The following SYNGR1 variants were observed in gnomAD, a reference collection of about 807,000 sequenced individuals.
SYNGR1 encodes synaptogyrin-1.
Under a neutral mutation model 26.1 loss-of-function variants are expected in SYNGR1, and 14 were observed. The ratio of observed to expected loss-of-function variants is 0.54; its 90% CI spans 0.35 to 0.84. The LOEUF (loss-of-function observed/expected upper bound fraction) is 0.84, where lower values mean the gene tolerates loss of function less well. Among genes scored for constraint, SYNGR1 ranks in the 40% least tolerant of loss-of-function variants. SYNGR1 has a pLI of 0.01. For missense variants in SYNGR1, 319 were observed against 332.9 expected (o/e 0.96, Z 0.33); for synonymous variants, 141 against 150.1 (o/e 0.94, Z 0.44).
chr22:39,364,148 C>T, intron 1 of SYNGR1: 1 of 1,611,026 alleles, frequency 6.2e-7, no homozygotes, highest in Non-Finnish European at 8.5e-7. Context: ...TGCCCTTTTG[C>T]ACTGCGGGAC....
chr22:39,367,881 G>A (rs1044842158), intron 1 of SYNGR1, among the ~76,000 whole-genome samples: 3 of 148,688 alleles, frequency 2.0e-5, no homozygotes, highest in African/African-American at 7.5e-5. Context: ...GCCTTGTCCC[G>A]CTGCATGTCC....
chr22:39,372,805 T>C (rs983863348), intron 1 of SYNGR1, among the ~76,000 whole-genome samples: 6 of 152,014 alleles, frequency 3.9e-5, no homozygotes, highest in Non-Finnish European at 4.4e-5. Context: ...GACATGGTAT[T>C]GGCAGGATTC....
At chr22:39,359,699 C>T (rs1245442711) in intron 1 of SYNGR1, among the ~76,000 whole-genome samples, 4 of 151,588 alleles carry the variant, frequency 2.6e-5, no homozygotes, top group Non-Finnish European at 4.4e-5. Context: ...TCCAGCACTG[C>T]TCCTGCTCCA....
At chr22:39,358,704 CA>C (rs1297710818) in intron 1 of SYNGR1, among the ~76,000 whole-genome samples, 1 of 152,100 alleles carries the variant, frequency 6.6e-6, no homozygotes, top group Non-Finnish European at 1.5e-5. Flanking sequence ...CCAGACGCAC[CA>C]CCTTAAGAGC....
At chr22:39,372,117 T>C (rs1925048784) in intron 1 of SYNGR1, among the ~76,000 whole-genome samples, 1 of 144,868 alleles carries the variant, frequency 6.9e-6, no homozygotes, top group Admixed American at 7.3e-5. Flanking sequence ...TGAGGGTAGA[T>C]CCATTCTTTT....
chr22:39,355,460 C>T lies in SYNGR1; in HGVS notation c.99+5351C>T, dbSNP rs149793920. ...CACCTCCTGTGGCCGGCCGCTCCGC[C>T]GCTTCTTCTCTCTCAGGTCTAGGAC... On this transcript the variant is annotated intron_variant, in intron 1 of 3. Transcript: ENST00000328933. Among the ~76,000 whole-genome samples, 582 of 152,340 alleles carry T rather than the reference C, an allele frequency of 3.8e-3. 18 individuals carry two copies. The South Asian group carries it at 0.066, about 17-fold the overall frequency.
chr22:39,359,769 G>A (rs889779185), intron 1 of SYNGR1, among the ~76,000 whole-genome samples: 5 of 151,196 alleles, frequency 3.3e-5, no homozygotes, highest in African/African-American at 9.7e-5. Context: ...TCCTCTTCCC[G>A]CATGGTCTTG....
At position 39,350,114 on chromosome 22, in the gene SYNGR1, G is replaced by T; in HGVS notation, c.99+5G>T. The T allele has an allele frequency of 6.9e-7, 1 of 1,442,762 alleles. No individual in the cohort carries two copies. Among genetic ancestry groups the T allele is most frequent in the Non-Finnish European group, 9.2e-7 (1 of 1,083,086 alleles). The allele number at this position is 1,442,762 out of a possible 1,614,324, so 89.4% of individuals were successfully genotyped here. On this transcript the variant is annotated splice_donor_5th_base_variant and intron_variant, in intron 1 of 3. Coordinates refer to ENST00000328933, the MANE Select transcript of SYNGR1 (RefSeq NM_004711.5). The surrounding 1 kb of genome is among the most constrained non-coding windows in gnomAD (Gnocchi z 4.3). ...ATCCTGCGCGTCGTGTCTTGGGTAA[G>T]GACGGACTGGCCGACGGCTCTGCCA... is the stretch of plus-strand genomic sequence containing the variant.
chr22:39,375,715 T>C, intron 2 of SYNGR1: 1 of 592,938 alleles, frequency 1.7e-6, no homozygotes, highest in Non-Finnish European at 3.0e-6. Flanking sequence ...TGGCAGAGGC[T>C]GCAGAAATGC....
Position 39,384,802 on chromosome 22 carries a change from G to A in SYNGR1, c.*2888G>A, listed in dbSNP as rs76437831. On this transcript the variant is annotated 3_prime_UTR_variant, in exon 4 of 4. Coordinates refer to ENST00000328933, the MANE Select transcript of SYNGR1 (RefSeq NM_004711.5). ...GGAAAAAAGGTTTCACATAAGTGTAGAGTCGCAAGGACGCTTAGAGTCGGC... is the reference window on the plus strand; with the variant it reads ...GGAAAAAAGGTTTCACATAAGTGTAAAGTCGCAAGGACGCTTAGAGTCGGC... 0.02 allele frequency: 7,877 copies of A among 399,058 alleles called. 553 individuals are homozygous for A. Among genetic ancestry groups the A allele is most frequent in the African/African-American group, 0.15 (7,148 of 48,682 alleles). 24.7% of individuals were successfully genotyped at this position (399,058 alleles called of 1,614,324 possible). A position where few individuals can be genotyped will look rare whatever the true frequency, so the allele number is the denominator to read the frequency against.
chr22:39,362,495 G>A (rs1924526907), intron 1 of SYNGR1, among the ~76,000 whole-genome samples: 1 of 152,248 alleles, frequency 6.6e-6, no homozygotes, highest in African/African-American at 2.4e-5. Context: ...GGAAGACAAG[G>A]GGCTGCCCAA....
At chr22:39,364,616 C>T (rs1457004712) in intron 1 of SYNGR1, among the ~76,000 whole-genome samples, 1 of 151,968 alleles carries the variant, frequency 6.6e-6, no homozygotes, top group Non-Finnish European at 1.5e-5. Flanking sequence ...ATCCCAGCAG[C>T]GTTCAGAGGG....
rs938403567 is a variant in SYNGR1, at chr22:39,377,448, C to T, written c.483+1251C>T. The T allele has an allele frequency of 6.0e-6, 9 of 1,510,286 alleles. No individual in the cohort carries two copies. In the African/African-American group the frequency reaches 9.7e-5, roughly 16 times the overall value. 93.6% of individuals were successfully genotyped at this position (1,510,286 alleles called of 1,614,324 possible). On this transcript the variant is annotated intron_variant, in intron 3 of 3. Transcript: ENST00000328933. ...CAGCCTACAGGGAGGAGTTTAGGGG[C>T]GGGGCTCACAGAGGAGTAGTGGATG...
chr22:39,351,363 GC>G (rs1292846704), intron 1 of SYNGR1, among the ~76,000 whole-genome samples: 1 of 152,232 alleles, frequency 6.6e-6, no homozygotes, highest in Non-Finnish European at 1.5e-5. Flanking sequence ...CCCATTTAAA[GC>G]CTTTTCTTCT....
chr22:39,381,706 C>T lies in SYNGR1; in HGVS notation c.494C>T (p.Ala165Val). 1 of 1,613,380 alleles carries T rather than the reference C, an allele frequency of 6.2e-7. No individual in the cohort carries two copies. The highest frequency in any genetic ancestry group is 8.5e-7 in the Non-Finnish European group (1 of 1,179,990). The change falls in exon 4 of 4, where the codon GCT becomes GTT. Residue 165 changes from alanine (A) to valine (V), a missense_variant. Ala to Val is a moderately conservative substitution (Grantham distance 64). Coordinates refer to ENST00000328933, the MANE Select transcript of SYNGR1 (RefSeq NM_004711.5). ...GGCCTTTGTCCCCAGGCGGGCCAGG[C>T]TGTGCTGGCCTTCCAGCGGTACCAG... ...FFSIFTWAGQ[A>V]VLAFQRYQIG...
At chr22:39,357,255 ACT>A (rs1172169939) in intron 1 of SYNGR1, among the ~76,000 whole-genome samples, 4 of 149,532 alleles carry the variant, frequency 2.7e-5, no homozygotes, top group Non-Finnish European at 5.9e-5. Flanking sequence ...ACAGAGCAAG[ACT>A]CTGTTTCAAA....
chr22:39,350,050 G>A lies in SYNGR1; in HGVS notation c.40G>A (p.Ala14Thr), dbSNP rs1380832741. 2.1e-6 allele frequency: 3 copies of A among 1,427,382 alleles called. No homozygotes were observed. The highest frequency in any genetic ancestry group is 1.9e-6 in the Non-Finnish European group (2 of 1,073,464). The allele number at this position is 1,427,382 out of a possible 1,614,324, so 88.4% of individuals were successfully genotyped here. ...GAYGAGKAGG[A>T]FDPYTLVRQP... is the part of the protein sequence containing the mutation. ...GTACGGAGCGGGCAAAGCCGGGGGC[G>A]CCTTCGACCCCTACACCCTGGTCCG... The change falls in exon 1 of 4, where the codon GCC becomes ACC. Residue 14 changes from alanine to threonine, a missense_variant. Physicochemically the swap from Ala to Thr is moderately conservative, Grantham distance 58. Transcript: ENST00000328933. The surrounding 1 kb of genome is among the most constrained non-coding windows in gnomAD (Gnocchi z 4.3).
intron 1 of SYNGR1, chr22:39,364,338 T>C: frequency 6.2e-7 from 1 of 1,613,754 alleles, no homozygotes; most frequent in Non-Finnish European, 8.5e-7. Flanking sequence ...AGGCAGGGCC[T>C]CTCTGAGCCT....
At chr22:39,362,429 G>A (rs960724222) in intron 1 of SYNGR1, among the ~76,000 whole-genome samples, 3 of 152,180 alleles carry the variant, frequency 2.0e-5, no homozygotes, top group Admixed American at 2.0e-4. Flanking sequence ...GGTGGGGGAG[G>A]GGCCTGGAGC....
Sources: gnomAD v4.1 joint callset for allele counts (sites outside exome capture counted in the v4.1 genomes callset) on GRCh38, gnomAD v4.1.1 for gene constraint, Gnocchi (gnomAD v3.1) non-coding constraint, MANE v1.5 for transcripts, NCBI Gene and HGNC (gene_info 2026-07-23, HGNC 2026-07-21) for gene names.